BMP6: variants seen among roughly 807,000 people sequenced by gnomAD.
BMP6 encodes the protein VG-1-R.
BMP6 carries 17 observed loss-of-function variants against 54.1 expected under a neutral mutation model. That is an observed-to-expected ratio of 0.31 (90% CI 0.22 to 0.47). The LOEUF is 0.47. Among genes scored for constraint, BMP6 ranks in the 20% least tolerant of loss-of-function variants. BMP6 has a pLI of 1.00. For synonymous variants in BMP6, 328 were observed against 291.2 expected (o/e 1.13, Z -1.28); for missense variants, 720 against 690.4 (o/e 1.04, Z -0.48).
At chr6:7,844,169 A>C (rs1242438499) in intron 1 of BMP6, among the ~76,000 whole-genome samples, 1 of 152,028 alleles carries the variant, frequency 6.6e-6, no homozygotes, top group Admixed American at 6.5e-5. Context: ...TGCTTATTTC[A>C]CTTCACATAA....
At chr6:7,825,079 G>A (rs1758671758) in intron 1 of BMP6, among the ~76,000 whole-genome samples, 1 of 152,228 alleles carries the variant, frequency 6.6e-6, no homozygotes, top group South Asian at 2.1e-4. Context: ...CACTTTGAGA[G>A]GCCGAGGCCA....
At chr6:7,816,750 C>T (rs1028520975) in intron 1 of BMP6, among the ~76,000 whole-genome samples, 2 of 151,900 alleles carry the variant, frequency 1.3e-5, no homozygotes, top group Non-Finnish European at 2.9e-5. Flanking sequence ...GTTTTTTCTT[C>T]TATTTTTTAA....
chr6:7,769,376 G>T (rs1010009874), intron 1 of BMP6, among the ~76,000 whole-genome samples: 1 of 152,202 alleles, frequency 6.6e-6, no homozygotes, highest in Non-Finnish European at 1.5e-5. Context: ...GCCTGGGGGG[G>T]TGGGAGTTTG....
intron 1 of BMP6, among the ~76,000 whole-genome samples, chr6:7,837,925 A>G (rs1758899285): frequency 6.6e-6 from 1 of 152,224 alleles, no homozygotes; most frequent in Non-Finnish European, 1.5e-5. Flanking sequence ...GTAATTTAAA[A>G]TGTCCCCCAA....
chr6:7,868,927 C>T (rs1759475330), intron 4 of BMP6, among the ~76,000 whole-genome samples: 1 of 152,106 alleles, frequency 6.6e-6, no homozygotes, highest in South Asian at 2.1e-4. Flanking sequence ...TCTGTGGTGT[C>T]CCTGACATTC....
chr6:7,848,630 C>G (rs964274750), intron 2 of BMP6, among the ~76,000 whole-genome samples: 1 of 152,240 alleles, frequency 6.6e-6, no homozygotes, highest in Non-Finnish European at 1.5e-5. Flanking sequence ...TTATTGACCT[C>G]TTTCTTTGCT....
intron 1 of BMP6, among the ~76,000 whole-genome samples, chr6:7,783,810 AATGAGCATGGTCCTTGTCCTTTATT>A (rs1757983169): frequency 6.6e-6 from 1 of 152,238 alleles, no homozygotes; most frequent in Non-Finnish European, 1.5e-5. Context: ...TTCTTCATGG[AATGAGCATGGTCCTTGTCCTTTATT>A]ATTTGGTTTC....
chr6:7,853,357 A>G (rs896286885), intron 2 of BMP6, among the ~76,000 whole-genome samples: 26 of 152,190 alleles, frequency 1.7e-4, no homozygotes, highest in African/African-American at 6.3e-4. Context: ...TTGATTCAGT[A>G]ATGAAATGGC....
At chr6:7,810,991 T>G (rs1758427566) in intron 1 of BMP6, among the ~76,000 whole-genome samples, 1 of 152,154 alleles carries the variant, frequency 6.6e-6, no homozygotes, top group Non-Finnish European at 1.5e-5. Flanking sequence ...TTGAAGTATC[T>G]TCAATGTGTA....
At chr6:7,864,396 A>T (rs1234473492) in intron 4 of BMP6, among the ~76,000 whole-genome samples, 1 of 152,200 alleles carries the variant, frequency 6.6e-6, no homozygotes, top group Non-Finnish European at 1.5e-5. Flanking sequence ...AAAGCATCAA[A>T]ATCTGGCTCA....
chr6:7,742,284 A>G (rs1757278029), intron 1 of BMP6, among the ~76,000 whole-genome samples: 1 of 152,220 alleles, frequency 6.6e-6, no homozygotes, highest in African/African-American at 2.4e-5. Flanking sequence ...GTATGAATAC[A>G]AGTCAGAAAG....
At chr6:7,869,880 T>C (rs1759491391) in intron 4 of BMP6, among the ~76,000 whole-genome samples, 1 of 152,128 alleles carries the variant, frequency 6.6e-6, no homozygotes, top group African/African-American at 2.4e-5. Flanking sequence ...GGCAGGAAGA[T>C]GCTAGAGGAC....
At chr6:7,853,935 A>G (rs978168226) in intron 2 of BMP6, among the ~76,000 whole-genome samples, 10 of 151,816 alleles carry the variant, frequency 6.6e-5, no homozygotes, top group African/African-American at 1.7e-4. Context: ...TCAAGGAGCC[A>G]TCAGACCTTC....
At chr6:7,870,925 G>A (rs754279300) in intron 4 of BMP6, among the ~76,000 whole-genome samples, 9 of 152,320 alleles carry the variant, frequency 5.9e-5, no homozygotes, top group East Asian at 1.9e-4. Flanking sequence ...CACCGCGCCC[G>A]GCCTGTCTTG....
chr6:7,760,810 TA>T (rs1454758703), intron 1 of BMP6, among the ~76,000 whole-genome samples: 2 of 152,202 alleles, frequency 1.3e-5, no homozygotes, highest in Non-Finnish European at 2.9e-5. Context: ...GTCTGGTGAA[TA>T]AAAGTTAAAG....
chr6:7,736,441 G>T (rs1283690740), intron 1 of BMP6, among the ~76,000 whole-genome samples: 1 of 152,208 alleles, frequency 6.6e-6, no homozygotes, highest in Non-Finnish European at 1.5e-5. Flanking sequence ...TGTGACTTTA[G>T]AATTGAGAAA....
At chr6:7,792,411 T>C in intron 1 of BMP6, among the ~76,000 whole-genome samples, 1 of 152,232 alleles carries the variant, frequency 6.6e-6, no homozygotes, top group East Asian at 1.9e-4. Context: ...TGGGTGGATA[T>C]TCCCACACCA....
At chr6:7,825,126 C>T (rs768197569) in intron 1 of BMP6, among the ~76,000 whole-genome samples, 1 of 152,058 alleles carries the variant, frequency 6.6e-6, no homozygotes, top group African/African-American at 2.4e-5. Flanking sequence ...AGACCAGTCT[C>T]GGCAACATTG....
At chr6:7,786,108 C>T (rs949765409) in intron 1 of BMP6, among the ~76,000 whole-genome samples, 5 of 152,206 alleles carry the variant, frequency 3.3e-5, no homozygotes, top group African/African-American at 1.2e-4. Context: ...CGTCTTTGGT[C>T]TCTAAGCTCC....
Sources: allele counts gnomAD v4.1 joint callset (sites outside exome capture counted in the v4.1 genomes callset), GRCh38; gene constraint gnomAD v4.1.1; transcripts MANE v1.5; gene names NCBI Gene and HGNC (gene_info 2026-07-23, HGNC 2026-07-21).